Variants in MROH9 observed in about 807,000 individuals in gnomAD.
The protein encoded by MROH9 is maestro heat like repeat family member 9.
MROH9 carries 92 observed loss-of-function variants against 98.2 expected under a neutral mutation model. The observed-to-expected ratio is 0.94, with a 90% CI of 0.79 to 1.11. The LOEUF is 1.11. Ranked by LOEUF, MROH9 falls within the 50% of genes most tolerant of loss-of-function variation. The pLI, the probability that MROH9 is intolerant of heterozygous loss-of-function variation, is 0.00. For missense variants in MROH9, 1,057 were observed against 1,014.8 expected, an observed-to-expected ratio of 1.04 and a Z score of -0.57; for synonymous variants, 397 against 368.9, an observed-to-expected ratio of 1.08 and a Z score of -0.87.
At chr1:171,016,700 T>A (rs1471064447) in intron 17 of MROH9, among the ~76,000 whole-genome samples, 2 of 152,186 alleles carry the variant, frequency 1.3e-5, no homozygotes, top group African/African-American at 4.8e-5. Context: ...GTATCACTTT[T>A]TCCCCATCTA....
intron 3 of MROH9, among the ~76,000 whole-genome samples, chr1:170,952,109 G>A (rs1339562302): frequency 4.6e-5 from 7 of 151,998 alleles, no homozygotes; most frequent in Admixed American, 4.6e-4. Context: ...AACAGGTGCT[G>A]GAGAGGATGT....
chr1:170,966,204 A>C (rs948838232), intron 7 of MROH9, among the ~76,000 whole-genome samples: 20 of 152,106 alleles, frequency 1.3e-4, no homozygotes, highest in African/African-American at 4.8e-4. Flanking sequence ...CCACACCTTC[A>C]CAAATACTGG....
At chr1:170,990,118 T>C in intron 11 of MROH9, 115 bp downstream of exon 11, 1 of 1,109,528 alleles carries the variant, frequency 9.0e-7, no homozygotes, top group African/African-American at 1.6e-5. Context: ...TTCTTTTTTC[T>C]GAAAGAGAAA....
intron 8 of MROH9, among the ~76,000 whole-genome samples, chr1:170,981,582 G>C (rs1304082313): frequency 6.6e-6 from 1 of 152,016 alleles, no homozygotes; most frequent in Admixed American, 6.6e-5. Context: ...CACAGAGAGG[G>C]GAACAACACA....
chr1:171,031,521 TCTC>T (rs1652913346), intron 20 of MROH9, among the ~76,000 whole-genome samples: 1 of 152,210 alleles, frequency 6.6e-6, no homozygotes, highest in African/African-American at 2.4e-5. Context: ...TGATTTTATT[TCTC>T]CTTTGCTTAT....
chr1:171,061,067 T>A (rs1653996228), intron 20 of MROH9, among the ~76,000 whole-genome samples: 1 of 152,196 alleles, frequency 6.6e-6, no homozygotes, highest in South Asian at 2.1e-4. Flanking sequence ...AAGAGACTTA[T>A]CTGAATAAGC....
chr1:171,027,154 C>T (rs1652740576), intron 20 of MROH9, among the ~76,000 whole-genome samples: 1 of 151,544 alleles, frequency 6.6e-6, no homozygotes. Flanking sequence ...TATACATGTG[C>T]CATGGTGGTT....
At chr1:170,983,583 T>A in intron 9 of MROH9, 49 bp downstream of exon 9, 1 of 1,044,500 alleles carries the variant, frequency 9.6e-7, no homozygotes, top group Non-Finnish European at 1.5e-6. Flanking sequence ...TGTGTATGAT[T>A]ACTCTTAGTA....
At chr1:170,957,790 TTTTTG>T (rs957716492) in intron 3 of MROH9, among the ~76,000 whole-genome samples, 4 of 127,178 alleles carry the variant, frequency 3.1e-5, no homozygotes, top group African/African-American at 1.4e-4. Flanking sequence ...TGCTGGCATT[TTTTTG>T]TTTTTTTTTT....
chr1:171,064,039 A>G, intron 21 of MROH9, 60 bp from the exon 22 acceptor site: 2 of 1,479,512 alleles, frequency 1.4e-6, no homozygotes, highest in South Asian at 1.4e-5. Context: ...GTTTAGTATT[A>G]AAGCTTCATG....
At chr1:170,957,266 C>G (rs61815216) in intron 3 of MROH9, among the ~76,000 whole-genome samples, 12,138 of 152,122 alleles carry the variant, frequency 0.08, 622 homozygotes, top group Non-Finnish European at 0.11. Flanking sequence ...TAAATAAGCT[C>G]TTTCCCTATG....
At chr1:171,042,161 A>C (rs2101859526) in intron 20 of MROH9, among the ~76,000 whole-genome samples, 1 of 152,162 alleles carries the variant, frequency 6.6e-6, no homozygotes, top group South Asian at 2.1e-4. Context: ...GCTTCTGGTA[A>C]CCATCCTTCT....
intron 15 of MROH9, 44 bp from the exon 16 acceptor site, chr1:171,014,073 T>C (rs949986694): frequency 1.3e-6 from 2 of 1,492,694 alleles, no homozygotes; most frequent in African/African-American, 1.4e-5. Context: ...AATCGTGCAG[T>C]GGCCTCTACT....
chr1:171,034,199 C>A (rs1653023134), intron 20 of MROH9, among the ~76,000 whole-genome samples: 1 of 151,964 alleles, frequency 6.6e-6, no homozygotes, highest in African/African-American at 2.4e-5. Flanking sequence ...AAAATTGTGA[C>A]TGAAGAATTT....
chr1:170,956,582 CT>C (rs869218785), intron 3 of MROH9, among the ~76,000 whole-genome samples: 134 of 114,860 alleles, frequency 1.2e-3, no homozygotes, highest in Non-Finnish European at 1.3e-3. Context: ...TTTCTCTTTC[CT>C]TTTTTTTTTT....
chr1:171,024,303 G>GGTGTGTGTGTGTGT (rs3077629), intron 17 of MROH9, 92 bp from the exon 18 acceptor site: 1 of 669,558 alleles, frequency 1.5e-6, no homozygotes, highest in African/African-American at 1.9e-5. Flanking sequence ...ATTTATATGG[G>GGTGTGTGTGTGTGT]GTGTGTGTGT....
At chr1:170,967,235 A>G (rs904263209) in intron 7 of MROH9, among the ~76,000 whole-genome samples, 2 of 152,158 alleles carry the variant, frequency 1.3e-5, no homozygotes, top group African/African-American at 4.8e-5. Flanking sequence ...TGCAATGTTC[A>G]CTAAGTGCCA....
chr1:170,959,375 A>AAAAT (rs77715144), intron 4 of MROH9, 87 bp from the exon 5 acceptor site: 213 of 1,208,868 alleles, frequency 1.8e-4, no homozygotes, highest in Middle Eastern at 3.0e-4. Flanking sequence ...ACTCTGTCTC[A>AAAAT]AAATAAATAA....
intron 17 of MROH9, among the ~76,000 whole-genome samples, chr1:171,023,384 G>A (rs982146322): frequency 1.3e-5 from 2 of 152,044 alleles, no homozygotes; most frequent in Non-Finnish European, 2.9e-5. Context: ...TTATTTAGTG[G>A]CAACTCAGCA....
Sources: allele counts gnomAD v4.1 joint callset (sites outside exome capture counted in the v4.1 genomes callset), GRCh38; gene constraint gnomAD v4.1.1; transcripts MANE v1.5; gene names NCBI Gene and HGNC (gene_info 2026-07-23, HGNC 2026-07-21).